The following IQSEC2 variants were observed in gnomAD, a reference collection of about 807,000 sequenced individuals.
IQSEC2 encodes the protein IQ motif and Sec7 domain ArfGEF 2, also known as IQ motif and SEC7 domain-containing protein 2.
IQSEC2 carries 6 observed loss-of-function variants against 74.6 expected under a neutral mutation model. The observed-to-expected ratio is 0.08, with a 90% confidence interval of 0.04 to 0.16. The LOEUF (loss-of-function observed/expected upper bound fraction) is 0.16. Ranked by LOEUF, IQSEC2 falls within the 10% of genes least tolerant of loss-of-function variation. IQSEC2 has a pLI of 1.00. For synonymous variants in IQSEC2, 494 were observed against 544.5 expected (o/e 0.91, Z 1.29); for missense variants, 734 against 1,306.2 (o/e 0.56, Z 6.75).
intron 1 of IQSEC2, among the ~76,000 whole-genome samples, chrX:53,304,828 A>C (rs1201070674): frequency 8.9e-6 from 1 of 112,197 alleles, no homozygotes; most frequent in Non-Finnish European, 1.9e-5. Flanking sequence ...ATGTTATATA[A>C]TCATAATAAA....
At chrX:53,294,932 C>T (rs1322832754) in intron 1 of IQSEC2, among the ~76,000 whole-genome samples, 1 of 112,009 alleles carries the variant, frequency 8.9e-6, no homozygotes, top group African/African-American at 3.2e-5. Context: ...AAGCGATTCT[C>T]CTGCCTCAGC....
At chrX:53,281,480 G>A in intron 2 of IQSEC2, 1 of 1,021,359 alleles carries the variant, frequency 9.8e-7, no homozygotes, top group Non-Finnish European at 1.3e-6. Context: ...CCAGGCTGCG[G>A]GGCCCAGGTT....
intron 2 of IQSEC2, among the ~76,000 whole-genome samples, chrX:53,274,628 A>AT (rs1423351231): frequency 9.3e-6 from 1 of 106,979 alleles, no homozygotes; most frequent in African/African-American, 3.4e-5. Flanking sequence ...CGCCTGGCTA[A>AT]TTTTTTGTAT....
chrX:53,318,896 G>A (rs1355030896), intron 1 of IQSEC2, among the ~76,000 whole-genome samples: 1 of 112,919 alleles, frequency 8.9e-6, no homozygotes, highest in Non-Finnish European at 1.9e-5. Flanking sequence ...CCCTCTTCCA[G>A]TGTGGCGCCC....
downstream of IQSEC2, chrX:53,227,638 A>G: frequency 3.2e-6 from 1 of 308,118 alleles, no homozygotes; most frequent in Non-Finnish European, 5.8e-6. Flanking sequence ...TGCGTGGAAG[A>G]AACAGATGAA....
In IQSEC2 at chrX:53,267,892, G is replaced by C. The variant is rs782341836; in HGVS notation, c.738-11831C>G. Among the ~76,000 whole-genome samples, 332 of 112,295 alleles carry C rather than the reference G, an allele frequency of 3.0e-3. 2 individuals carry two copies. The highest frequency in any genetic ancestry group is 4.7e-3 in the Non-Finnish European group (250 of 53,233). The stretch of plus-strand genomic sequence containing the variant: ...AGTGTCTGGCAAACACCAGCAATGG[G>C]AACATGGTGGTGATTATTGTTAACT... On this transcript the variant is annotated intron_variant, in intron 2 of 14. Transcript: ENST00000642864.
chrX:53,260,603 C>T (rs1406349577), intron 2 of IQSEC2, among the ~76,000 whole-genome samples: 5 of 111,145 alleles, frequency 4.5e-5, no homozygotes, highest in African/African-American at 1.6e-4. Context: ...CCCAACCTGG[C>T]TACCTCCTGC....
chrX:53,307,885 T>TAA (rs782356115), intron 1 of IQSEC2, among the ~76,000 whole-genome samples: 8 of 38,137 alleles, frequency 2.1e-4, no homozygotes, highest in African/African-American at 4.3e-4. Flanking sequence ...AGGCCCTGTC[T>TAA]AAAAAAAAAA....
chrX:53,266,774 AGAG>A, intron 2 of IQSEC2: 1 of 1,016,111 alleles, frequency 9.8e-7, no homozygotes, highest in Non-Finnish European at 1.3e-6. Flanking sequence ...GCTGGAGTCC[AGAG>A]GAGACAGCAG....
chrX:53,318,131 A>G (rs1164278226), intron 1 of IQSEC2, among the ~76,000 whole-genome samples: 1 of 111,861 alleles, frequency 8.9e-6, no homozygotes, highest in Non-Finnish European at 1.9e-5. Context: ...CTCCATTAGC[A>G]ACTAGTAGGG....
rs782364389 is a variant in IQSEC2 at position 53,244,939 on chromosome X, A to G, written c.2750-1468T>C. Among the ~76,000 whole-genome samples, 58 of 110,922 alleles carry G rather than the reference A, an allele frequency of 5.2e-4. 1 individual carries two copies. Among genetic ancestry groups the G allele is most frequent in the Admixed American group, 9.7e-4 (10 of 10,309 alleles). On this transcript the variant is annotated intron_variant, in intron 8 of 14. Coordinates refer to ENST00000642864, the MANE Select transcript of IQSEC2 (RefSeq NM_001111125.3). The stretch of plus-strand genomic sequence containing the variant: ...TTTAATAATTAGAGGGGGAAGTTAC[A>G]CATACACACACACACACCCACACAC...
At chrX:53,231,369 G>T (rs1189480948), downstream of IQSEC2, 2 of 111,888 alleles carry the variant, frequency 1.8e-5, no homozygotes, top group Admixed American at 9.4e-5. Context: ...AGGCATTTTT[G>T]GGGAATAGTA....
chrX:53,280,549 G>A, intron 2 of IQSEC2, among the ~76,000 whole-genome samples: 1 of 110,467 alleles, frequency 9.1e-6, no homozygotes. Context: ...AGGGCTGAGT[G>A]GGTGAGGCAG....
intron 5 of IQSEC2, among the ~76,000 whole-genome samples, chrX:53,249,146 T>A (rs1165708468): frequency 9.0e-6 from 1 of 111,151 alleles, no homozygotes; most frequent in African/African-American, 3.3e-5. Context: ...CACATCACAA[T>A]TGAAAGAAAA....
In IQSEC2 at chrX:53,234,636, G is replaced by T. The variant is rs1449945045; in HGVS notation, c.4050C>A (p.His1350Gln). 30 of 1,135,003 alleles carry T rather than the reference G, an allele frequency of 2.6e-5. No individual in the cohort carries two copies. Among genetic ancestry groups the T allele is most frequent in the Non-Finnish European group, 3.4e-5 (29 of 857,677 alleles). 93.5% of individuals were successfully genotyped at this position (1,135,003 alleles called of 1,213,427 possible). The change falls in exon 15 of 15, where the codon CAC becomes CAA. Residue 1350 changes from histidine (H) to glutamine (Q), a missense_variant. By Grantham distance (24) the His-to-Gln change is conservative. Coordinates refer to ENST00000642864, the MANE Select transcript of IQSEC2 (RefSeq NM_001111125.3). Reference sequence around the variant, plus strand: ...GGCGGCCATGTGGAGCAAACTGAGGGTGTCCTCCAGCCCCCCGTCTGGGTG... The same window carrying T: ...GGCGGCCATGTGGAGCAAACTGAGGTTGTCCTCCAGCCCCCCGTCTGGGTG... ...GRAPRRGAGG[H>Q]PQFAPHGRHP...
chrX:53,288,496 C>G (rs1039717418), intron 2 of IQSEC2, among the ~76,000 whole-genome samples: 1 of 110,136 alleles, frequency 9.1e-6, no homozygotes. Flanking sequence ...GGCTGACCCT[C>G]ACTGCAGCAG....
In IQSEC2 at chrX:53,320,934, C is replaced by T; in HGVS notation, c.190G>A (p.Glu64Lys). 1 of 1,163,573 alleles carries T rather than the reference C, an allele frequency of 8.6e-7. No individual in the cohort carries two copies. Among genetic ancestry groups the T allele is most frequent in the Non-Finnish European group, 1.1e-6 (1 of 872,691 alleles). ...LTQENRDLREESQLHRGELHR... is the reference protein window; with the variant it reads ...LTQENRDLREKSQLHRGELHR... ...AGCTCCCCGCGGTGCAGCTGGCTCT[C>T]CTCTCGCAGGTCGCGGTTCTCCTGG... Residue 64 changes from glutamate to lysine, a missense_variant, in exon 1 of 15, where the codon GAG becomes AAG. Physicochemically the swap from Glu to Lys is moderately conservative, Grantham distance 56. Coordinates refer to ENST00000642864, the MANE Select transcript of IQSEC2 (RefSeq NM_001111125.3).
At chrX:53,253,474 A>T (rs1331363048) in intron 4 of IQSEC2, among the ~76,000 whole-genome samples, 10 of 112,018 alleles carry the variant, frequency 8.9e-5, no homozygotes, top group Non-Finnish European at 1.9e-4. Context: ...CCTTTACTGC[A>T]TTACAATTCC....
chrX:53,300,105 A>T (rs2075197107), intron 1 of IQSEC2, among the ~76,000 whole-genome samples: 1 of 111,394 alleles, frequency 9.0e-6, no homozygotes, highest in African/African-American at 3.3e-5. Flanking sequence ...TCCATACTTC[A>T]TCCTGCCTTC....
Sources: gnomAD v4.1 joint callset for allele counts (sites outside exome capture counted in the v4.1 genomes callset) on GRCh38, gnomAD v4.1.1 for gene constraint, MANE v1.5 for transcripts, NCBI Gene and HGNC (gene_info 2026-07-23, HGNC 2026-07-21) for gene names.